COL22A1: variants seen among roughly 807,000 people sequenced by gnomAD.
COL22A1 encodes collagen alpha-1(XXII) chain.
COL22A1 carries 221 observed loss-of-function variants against 248.9 expected under a neutral mutation model. The observed-to-expected ratio is 0.89, with a 90% CI of 0.80 to 0.99. COL22A1 has a LOEUF of 0.99. COL22A1 is among the 50% of genes least tolerant of loss of function. The pLI is 0.00. For synonymous variants in COL22A1, 891 were observed against 793.4 expected, an observed-to-expected ratio of 1.12 and a Z score of -2.07; for missense variants, 2,240 against 2,179.0, an observed-to-expected ratio of 1.03 and a Z score of -0.56.
At chr8:138,628,374 G>C (rs779934814) in intron 50 of COL22A1, among the ~76,000 whole-genome samples, 1 of 151,862 alleles carries the variant, frequency 6.6e-6, no homozygotes, top group Non-Finnish European at 1.5e-5. Context: ...AACACTTGAG[G>C]TCAGGAGTTC....
Position 138,853,969 on chromosome 8 carries a change from G to A in COL22A1, c.659-9811C>T, listed in dbSNP as rs184185219. Among the ~76,000 whole-genome samples, 4 of 152,322 alleles carry A rather than the reference G, an allele frequency of 2.6e-5. No homozygotes were observed. The East Asian group carries it at 7.7e-4, about 29-fold the overall frequency. The stretch of plus-strand genomic sequence containing the variant: ...AAAGGGTAAACTACAAGACCAGTGT[G>A]GGGTAGAATGATCCATCTGTTGAGC... On this transcript the variant is annotated intron_variant, in intron 3 of 64. Coordinates refer to ENST00000303045, the MANE Select transcript of COL22A1 (RefSeq NM_152888.3).
intron 3 of COL22A1, among the ~76,000 whole-genome samples, chr8:138,877,433 T>C (rs1053081257): frequency 6.6e-6 from 1 of 152,176 alleles, no homozygotes; most frequent in African/African-American, 2.4e-5. Context: ...AGACACCAAG[T>C]ATCTCCCAGG....
chr8:138,819,572 A>G (rs1285619365), intron 7 of COL22A1, among the ~76,000 whole-genome samples: 3 of 148,656 alleles, frequency 2.0e-5, no homozygotes, highest in Non-Finnish European at 4.5e-5. Context: ...TATAAATTAT[A>G]TGTATCTATA....
chr8:138,660,782 A>G (rs892792141), intron 43 of COL22A1, among the ~76,000 whole-genome samples: 1,506 of 144,606 alleles, frequency 0.01, 25 homozygotes, highest in African/African-American at 0.034. Context: ...GCACGCATGC[A>G]CACACACACA....
intron 6 of COL22A1, chr8:138,826,087 T>A (rs1033808835): frequency 6.6e-6 from 1 of 152,530 alleles, no homozygotes; most frequent in African/African-American, 2.4e-5. Flanking sequence ...CTTCTCATGA[T>A]GAGATTTTAT....
intron 45 of COL22A1, among the ~76,000 whole-genome samples, chr8:138,652,893 T>C (rs1227131494): frequency 6.6e-6 from 1 of 151,572 alleles, no homozygotes; most frequent in Middle Eastern, 3.2e-3. Context: ...AATACAGGCA[T>C]ATGCTACCAC....
At chr8:138,642,623 C>T (rs1463981531) in intron 47 of COL22A1, among the ~76,000 whole-genome samples, 2 of 152,144 alleles carry the variant, frequency 1.3e-5, no homozygotes, top group Admixed American at 6.5e-5. Flanking sequence ...AAAGCAGGGC[C>T]GTTACTGAAA....
At chr8:138,787,212 A>G (rs1292174373) in intron 12 of COL22A1, among the ~76,000 whole-genome samples, 2 of 152,216 alleles carry the variant, frequency 1.3e-5, no homozygotes, top group African/African-American at 4.8e-5. Flanking sequence ...TCAGGCATAG[A>G]AAGATCTTTA....
intron 1 of COL22A1, among the ~76,000 whole-genome samples, chr8:138,895,750 A>G (rs1305312148): frequency 6.6e-6 from 1 of 152,224 alleles, no homozygotes; most frequent in Non-Finnish European, 1.5e-5. Context: ...CAAAAACTTA[A>G]AAGAAATAAT....
rs1009399507 is a variant in COL22A1 at position 138,589,131 on chromosome 8, G to A, written c.*122C>T. On this transcript the variant is annotated 3_prime_UTR_variant, in exon 65 of 65. Transcript: ENST00000303045. ...CAAGAAAATAAAACAAAAAGCAAAC[G>A]ATAAAAGAAAGAAAAAAAAAAGGAA... is the stretch of plus-strand genomic sequence containing the variant. The A allele has an allele frequency of 4.4e-6, 4 of 911,698 alleles. No homozygotes were observed. Among genetic ancestry groups the A allele is most frequent in the Non-Finnish European group, 5.0e-6 (3 of 604,316 alleles). The allele number at this position is 911,698 out of a possible 1,614,324, so 56.5% of individuals were successfully genotyped here. A position where few individuals can be genotyped will look rare whatever the true frequency, so the allele number is the denominator to read the frequency against.
intron 12 of COL22A1, among the ~76,000 whole-genome samples, chr8:138,783,645 T>G (rs929856234): frequency 2.0e-5 from 3 of 152,148 alleles, no homozygotes; most frequent in African/African-American, 4.8e-5. Flanking sequence ...GATCAATACT[T>G]TGTATCCTTC....
chr8:138,646,814 T>C, intron 46 of COL22A1, 132 bp from the exon 47 acceptor site: 1 of 645,756 alleles, frequency 1.5e-6, no homozygotes, highest in Non-Finnish European at 2.6e-6. Flanking sequence ...CAGCTACCCC[T>C]GCCCCTAGCC....
intron 12 of COL22A1, among the ~76,000 whole-genome samples, chr8:138,794,026 C>T (rs535731524): frequency 3.3e-5 from 5 of 152,238 alleles, no homozygotes; most frequent in East Asian, 1.9e-4. Flanking sequence ...GAGGAATCCC[C>T]GGGTGCCTTC....
At chr8:138,785,534 G>A (rs1815441808) in intron 12 of COL22A1, among the ~76,000 whole-genome samples, 1 of 152,202 alleles carries the variant, frequency 6.6e-6, no homozygotes, top group South Asian at 2.1e-4. Context: ...CTGAGATGTT[G>A]GTCACCCACT....
intron 39 of COL22A1, among the ~76,000 whole-genome samples, chr8:138,682,965 C>A (rs190315999): frequency 4.5e-4 from 68 of 152,298 alleles, no homozygotes; most frequent in Middle Eastern, 3.4e-3. Flanking sequence ...TCCCAAAGTG[C>A]TGGGATTACA....
At chr8:138,812,846 A>G in intron 8 of COL22A1, 93 bp downstream of exon 8, 1 of 996,180 alleles carries the variant, frequency 1.0e-6, no homozygotes. Context: ...CTCCCTGACC[A>G]CCAACCACCC....
At chr8:138,721,963 C>T (rs1829898134) in intron 26 of COL22A1, 73 bp downstream of exon 26, 2 of 1,165,444 alleles carry the variant, frequency 1.7e-6, no homozygotes, top group South Asian at 1.3e-5. Flanking sequence ...GTAGAATTCA[C>T]CAACAATCAA....
chr8:138,818,124 G>A (rs1051934592), intron 7 of COL22A1, among the ~76,000 whole-genome samples: 2 of 152,152 alleles, frequency 1.3e-5, no homozygotes, highest in African/African-American at 4.8e-5. Context: ...GGACATGTTC[G>A]TTATTCCCTC....
chr8:138,908,213 A>G (rs1489977225), intron 1 of COL22A1, among the ~76,000 whole-genome samples: 1 of 152,210 alleles, frequency 6.6e-6, no homozygotes, highest in African/African-American at 2.4e-5. Context: ...CTAGATGCCC[A>G]TGTTTGTAAA....
Sources: gnomAD v4.1 joint callset for allele counts (sites outside exome capture counted in the v4.1 genomes callset) on GRCh38, gnomAD v4.1.1 for gene constraint, MANE v1.5 for transcripts, NCBI Gene and HGNC (gene_info 2026-07-23, HGNC 2026-07-21) for gene names.